The following LRBA variants were observed in gnomAD, a reference collection of about 807,000 sequenced individuals.
LRBA encodes the protein LPS responsive beige-like anchor protein.
A neutral mutation model predicts 330.0 loss-of-function variants in LRBA; 176 were observed. The observed-to-expected ratio is 0.53, with a 90% CI of 0.47 to 0.60. The LOEUF is 0.60. Ranked by LOEUF, LRBA falls within the 20% of genes least tolerant of loss-of-function variation. LRBA has a pLI of 0.00. For missense variants in LRBA, 3,259 were observed against 3,444.8 expected (o/e 0.95, Z 1.35); for synonymous variants, 1,230 against 1,193.0 (o/e 1.03, Z -0.64).
At chr4:151,002,859 A>C (rs1469300852) in intron 2 of LRBA, among the ~76,000 whole-genome samples, 7 of 151,762 alleles carry the variant, frequency 4.6e-5, no homozygotes, top group South Asian at 2.1e-4. Flanking sequence ...AACTACCCCC[A>C]AAAAATTAGC....
chr4:150,943,002 CCAAA>C (rs1219400241), intron 2 of LRBA, among the ~76,000 whole-genome samples: 1 of 151,908 alleles, frequency 6.6e-6, no homozygotes, highest in Non-Finnish European at 1.5e-5. Flanking sequence ...ATTTAAATCC[CCAAA>C]CATACTACAA....
rs200550118 is a variant in LRBA at position 150,454,962 on chromosome 4, GTTTTA to G, written c.6780+12706_6780+12710del. On this transcript the variant is annotated intron_variant, in intron 44 of 56. Transcript: ENST00000651943. ...TTATTTTTTTTTATTGCTTACTCCA[GTTTTA>G]TTTTATTTTTTATTTTTTTTATTAT... Among the ~76,000 whole-genome samples the G allele has an allele frequency of 1.0e-2, 1,393 of 139,388 alleles. 16 individuals carry two copies. Among genetic ancestry groups the G allele is most frequent in the African/African-American group, 0.033 (1,322 of 39,612 alleles). 91.4% of individuals were successfully genotyped at this position (139,388 alleles called of 152,430 possible).
At chr4:150,652,614 A>G (rs1779807832) in intron 37 of LRBA, among the ~76,000 whole-genome samples, 1 of 152,202 alleles carries the variant, frequency 6.6e-6, no homozygotes, top group Non-Finnish European at 1.5e-5. Context: ...TTCTAATAAT[A>G]TATTTTTAAC....
chr4:150,871,917 C>T (rs1579057912), intron 18 of LRBA, among the ~76,000 whole-genome samples: 2 of 152,226 alleles, frequency 1.3e-5, no homozygotes, highest in African/African-American at 2.4e-5. Flanking sequence ...AATTAACCTT[C>T]CAAGCATAAA....
intron 37 of LRBA, among the ~76,000 whole-genome samples, chr4:150,602,205 A>G (rs1774191853): frequency 6.6e-6 from 1 of 152,196 alleles, no homozygotes; most frequent in Non-Finnish European, 1.5e-5. Context: ...GAATTATAAA[A>G]ATCATTTCAA....
intron 35 of LRBA, among the ~76,000 whole-genome samples, chr4:150,741,485 G>A (rs1053973469): frequency 1.2e-4 from 18 of 152,100 alleles, no homozygotes; most frequent in African/African-American, 4.3e-4. Flanking sequence ...GGCTATATAT[G>A]TTTAAAAGGC....
At chr4:150,437,200 T>C (rs959223198) in intron 44 of LRBA, among the ~76,000 whole-genome samples, 1 of 151,932 alleles carries the variant, frequency 6.6e-6, no homozygotes, top group African/African-American at 2.4e-5. Context: ...AAAGCACCTA[T>C]AAAACCACAT....
chr4:150,632,224 C>CT (rs1211417438), intron 37 of LRBA, among the ~76,000 whole-genome samples: 1 of 97,038 alleles, frequency 1.0e-5, no homozygotes, highest in African/African-American at 4.0e-5. Context: ...GAGTGAGACT[C>CT]TGTCTCAAGG....
intron 2 of LRBA, among the ~76,000 whole-genome samples, chr4:151,011,974 T>C (rs985678996): frequency 6.6e-6 from 1 of 152,118 alleles, no homozygotes; most frequent in Non-Finnish European, 1.5e-5. Flanking sequence ...CGCAGCTGCT[T>C]CCAAAGATTT....
At chr4:150,420,438 A>AAT (rs547025662) in intron 46 of LRBA, among the ~76,000 whole-genome samples, 1 of 121,002 alleles carries the variant, frequency 8.3e-6, no homozygotes, top group Non-Finnish European at 1.7e-5. Context: ...AAGTATATAT[A>AAT]ATACATATAT....
intron 35 of LRBA, among the ~76,000 whole-genome samples, chr4:150,753,407 T>C (rs1283815768): frequency 6.6e-6 from 1 of 152,192 alleles, no homozygotes. Flanking sequence ...TTTATTTTAC[T>C]CTTCTCAAAG....
chr4:150,988,790 G>A (rs1248125219), intron 2 of LRBA, among the ~76,000 whole-genome samples: 1 of 152,042 alleles, frequency 6.6e-6, no homozygotes, highest in Non-Finnish European at 1.5e-5. Flanking sequence ...TGTTGGCCAG[G>A]ATGGTCTCGA....
intron 22 of LRBA, among the ~76,000 whole-genome samples, chr4:150,865,856 C>G (rs190378727): frequency 1.0e-3 from 156 of 152,030 alleles, no homozygotes; most frequent in African/African-American, 3.5e-3. Context: ...GCTGGGATTA[C>G]AGGTGCACGC....
chr4:150,409,756 C>T (rs1408967114), intron 47 of LRBA, among the ~76,000 whole-genome samples: 2 of 152,078 alleles, frequency 1.3e-5, no homozygotes, highest in Non-Finnish European at 2.9e-5. Flanking sequence ...TATGGCAAAT[C>T]TTTTTTCCTC....
At chr4:150,742,128 T>A (rs866154906) in intron 35 of LRBA, among the ~76,000 whole-genome samples, 1 of 126,116 alleles carries the variant, frequency 7.9e-6, no homozygotes, top group Non-Finnish European at 1.6e-5. Context: ...TTATTATTAT[T>A]ATCATTATTA....
At chr4:150,669,826 G>A (rs116317635) in intron 37 of LRBA, among the ~76,000 whole-genome samples, 448 of 152,062 alleles carry the variant, frequency 2.9e-3, no homozygotes, top group African/African-American at 9.8e-3. Flanking sequence ...TCAGCCTCCC[G>A]AAGTGCTAGG....
At chr4:150,938,723 G>A (rs1735359576) in intron 2 of LRBA, among the ~76,000 whole-genome samples, 1 of 152,132 alleles carries the variant, frequency 6.6e-6, no homozygotes, top group Non-Finnish European at 1.5e-5. Flanking sequence ...GTCTTATGTT[G>A]AAGATAAAAG....
chr4:150,702,568 C>A (rs1785218581), intron 36 of LRBA, among the ~76,000 whole-genome samples: 1 of 152,064 alleles, frequency 6.6e-6, no homozygotes, highest in Non-Finnish European at 1.5e-5. Context: ...TTTAAGGAAC[C>A]TCATATTATT....
chr4:150,370,967 C>G (rs2151863276), intron 47 of LRBA, among the ~76,000 whole-genome samples: 1 of 152,046 alleles, frequency 6.6e-6, no homozygotes, highest in East Asian at 1.9e-4. Context: ...CTTTCTAAAG[C>G]GAAAGGAGTA....
Sources: allele counts gnomAD v4.1 joint callset (sites outside exome capture counted in the v4.1 genomes callset), GRCh38; gene constraint gnomAD v4.1.1; transcripts MANE v1.5; gene names NCBI Gene and HGNC (gene_info 2026-07-23, HGNC 2026-07-21).